Variants in REXO5 observed in about 807,000 individuals in gnomAD.
REXO5 encodes the protein RNA exonuclease 5.
REXO5 carries 48 observed loss-of-function variants against 88.5 expected under a neutral mutation model. The observed-to-expected ratio is 0.54, with a 90% CI of 0.43 to 0.69. The LOEUF is 0.69. Among genes scored for constraint, REXO5 ranks in the 30% least tolerant of loss-of-function variants. REXO5 has a pLI of 0.00. For missense variants in REXO5, 749 were observed against 912.2 expected (o/e 0.82, Z 2.30); for synonymous variants, 311 against 336.5 (o/e 0.92, Z 0.83).
rs2081507552 is a variant in REXO5 at position 20,840,369 on chromosome 16, T to C, written c.1527T>C (p.Ala509=). ...IKWTEISTVY[A]GPFSKNCNLR... Reference sequence around the variant, plus strand: ...GGACAGAGATATCAACTGTCTATGCTGGGCCATTTAGCAAAAATTGCAATC... The same window carrying C: ...GGACAGAGATATCAACTGTCTATGCCGGGCCATTTAGCAAAAATTGCAATC... Residue 509 remains alanine, a synonymous_variant, in exon 15 of 20, where the codon GCT becomes GCC. Transcript: ENST00000261377. 6.3e-7 allele frequency: 1 copy of C among 1,583,534 alleles called. No homozygotes were observed. Among genetic ancestry groups the C allele is most frequent in the Non-Finnish European group, 8.6e-7 (1 of 1,157,704 alleles).
rs574125002 is a variant in REXO5, at chr16:20,819,222, T to C, written c.476-2540T>C. Among the ~76,000 whole-genome samples the C allele has an allele frequency of 8.5e-5, 13 of 152,260 alleles. No homozygotes were observed. In the East Asian group the frequency reaches 1.7e-3, roughly 20 times the overall value. On this transcript the variant is annotated intron_variant, in intron 5 of 19. Coordinates refer to ENST00000261377, the MANE Select transcript of REXO5 (RefSeq NM_030941.3). ...TGTCTTTTCCACCTGCGCATATCTTTATAATAGAATGATTTATATTCCTTT... is the reference window on the plus strand; with the variant it reads ...TGTCTTTTCCACCTGCGCATATCTTCATAATAGAATGATTTATATTCCTTT...
chr16:20,828,653 G>T, intron 11 of REXO5, 116 bp downstream of exon 11: 1 of 716,702 alleles, frequency 1.4e-6, no homozygotes, highest in Non-Finnish European at 2.4e-6. Flanking sequence ...TGTGGGCCAG[G>T]TGCAGTGGCT....
At chr16:20,833,225 G>A in intron 13 of REXO5, 102 bp downstream of exon 13, 1 of 1,260,968 alleles carries the variant, frequency 7.9e-7, no homozygotes, top group Admixed American at 2.5e-5. Flanking sequence ...CAGCAACCCT[G>A]GCTACAGTTA....
chr16:20,806,605 G>A lies in REXO5; in HGVS notation c.-103G>A. Reference sequence around the variant, plus strand: ...CTCTTCTGCGTTTCCCGGGCTAGGGGGCGTGGGGAGTGGTTTTAGGCGGCG... The same window carrying A: ...CTCTTCTGCGTTTCCCGGGCTAGGGAGCGTGGGGAGTGGTTTTAGGCGGCG... On this transcript the variant is annotated 5_prime_UTR_variant, in exon 1 of 20. Transcript: ENST00000261377. 7.1e-7 allele frequency: 1 copy of A among 1,414,572 alleles called. No homozygotes were observed. The highest frequency in any genetic ancestry group is 9.3e-7 in the Non-Finnish European group (1 of 1,076,278). The allele number at this position is 1,414,572 out of a possible 1,614,324, so 87.6% of individuals were successfully genotyped here.
intron 5 of REXO5, among the ~76,000 whole-genome samples, chr16:20,820,538 ATATATATTTTTTTTTTTTTT>A (rs2081164256): frequency 9.4e-5 from 1 of 10,616 alleles, no homozygotes; most frequent in Non-Finnish European, 1.6e-4. Context: ...ATATATATAT[ATATATATTTTTTTTTTTTTT>A]TTTTTTTTTT....
intron 15 of REXO5, among the ~76,000 whole-genome samples, chr16:20,841,429 G>A (rs2081526362): frequency 6.6e-6 from 1 of 152,094 alleles, no homozygotes; most frequent in Non-Finnish European, 1.5e-5. Flanking sequence ...GAATTAGGCA[G>A]CTAGCTAATG....
In REXO5 at chr16:20,827,353, A is replaced by G. The variant is rs144083920; in HGVS notation, c.961A>G (p.Met321Val). The G allele has an allele frequency of 2.5e-6, 4 of 1,611,502 alleles. No homozygotes were observed. The highest frequency in any genetic ancestry group is 2.7e-5 in the African/African-American group (2 of 74,836). The change falls in exon 10 of 20, where the codon ATG becomes GTG. Residue 321 changes from methionine (M) to valine (V), a missense_variant and splice_region_variant. Transcript: ENST00000261377. ...SLDLDLRALKMIHPYVIDTSL... is the reference protein window; with the variant it reads ...SLDLDLRALKVIHPYVIDTSL... ...TCATTTTATTCTCTTTCTTCCTCAG[A>G]TGATACATCCATATGTTATTGATAC...
At chr16:20,830,692 A>G (rs527918948) in intron 11 of REXO5, among the ~76,000 whole-genome samples, 1 of 152,250 alleles carries the variant, frequency 6.6e-6, no homozygotes, top group Admixed American at 6.5e-5. Flanking sequence ...GTTCCTCCCT[A>G]GGTGAGATTT....
intron 11 of REXO5, 82 bp from the exon 12 acceptor site, chr16:20,832,074 G>T: frequency 1.0e-6 from 1 of 966,036 alleles, no homozygotes; most frequent in Non-Finnish European, 1.6e-6. Context: ...GCTTTTTGTT[G>T]TTGTTGCTTT....
intron 5 of REXO5, among the ~76,000 whole-genome samples, chr16:20,817,247 G>A (rs1166487525): frequency 6.6e-6 from 1 of 152,088 alleles, no homozygotes; most frequent in Non-Finnish European, 1.5e-5. Context: ...CTATCTTTCT[G>A]TTGTTCTCTT....
chr16:20,806,664 G>A lies in REXO5; in HGVS notation c.-44G>A. ...CGGCAGCACCTTCCTTCTTTGCCAG[G>A]CAGACGCCCGTTGTAGCCGTTGGGG... On this transcript the variant is annotated 5_prime_UTR_variant, in exon 1 of 20. Transcript: ENST00000261377. 4.5e-6 allele frequency: 5 copies of A among 1,113,276 alleles called. No individual in the cohort carries two copies. Among genetic ancestry groups the A allele is most frequent in the Non-Finnish European group, 6.2e-6 (5 of 808,688 alleles). 69.0% of individuals were successfully genotyped at this position (1,113,276 alleles called of 1,614,324 possible). A position where few individuals can be genotyped will look rare whatever the true frequency, so the allele number is the denominator to read the frequency against.
chr16:20,807,585 GAAAAAAA>G (rs1013842567), intron 2 of REXO5, among the ~76,000 whole-genome samples: 11 of 50,582 alleles, frequency 2.2e-4, no homozygotes, highest in East Asian at 6.0e-4. Context: ...TCACGTCTCA[GAAAAAAA>G]AAAAAAAAAA....
chr16:20,815,159 T>A, intron 4 of REXO5, 106 bp downstream of exon 4: 1 of 1,260,348 alleles, frequency 7.9e-7, no homozygotes, highest in Non-Finnish European at 1.1e-6. Context: ...GAACAAACAG[T>A]AGGGGATATA....
chr16:20,813,046 C>T, intron 2 of REXO5, 144 bp from the exon 3 acceptor site: 1 of 655,230 alleles, frequency 1.5e-6, no homozygotes. Flanking sequence ...TTATTTTAGG[C>T]CATCATTTTC....
chr16:20,833,265 A>G lies in REXO5; in HGVS notation c.1383+142A>G, dbSNP rs1174564759. 33 of 843,026 alleles carry G rather than the reference A, an allele frequency of 3.9e-5. 1 individual carries two copies. In the East Asian group the frequency reaches 8.0e-4, roughly 21 times the overall value. 52.2% of individuals were successfully genotyped at this position (843,026 alleles called of 1,614,324 possible). Reference sequence around the variant, plus strand: ...GCCTGGCTTGTGTCTCACATCTTGTATGGAGTACCTAAGTCCTCATAGGGG... The same window carrying G: ...GCCTGGCTTGTGTCTCACATCTTGTGTGGAGTACCTAAGTCCTCATAGGGG... On this transcript the variant is annotated intron_variant, in intron 13 of 19. Transcript: ENST00000261377.
Position 20,844,770 on chromosome 16 carries a change from C to G in REXO5, c.1861C>G (p.Leu621Val). 6.2e-7 allele frequency: 1 copy of G among 1,614,186 alleles called. No homozygotes were observed. The highest frequency in any genetic ancestry group is 8.5e-7 in the Non-Finnish European group (1 of 1,180,030). Residue 621 changes from leucine (L) to valine (V), a missense_variant, in exon 17 of 20, where the codon CTC becomes GTC. By Grantham distance (32) the Leu-to-Val change is conservative. Coordinates refer to ENST00000261377, the MANE Select transcript of REXO5 (RefSeq NM_030941.3). ...AGAACAGCTATTGCAGGAGCCCCGC[C>G]TCTTTCTTGGCCTGGAAGCTGTGAT... ...FKEQLLQEPRLFLGLEAVILP... is the reference protein window; with the variant it reads ...FKEQLLQEPRVFLGLEAVILP...
In REXO5 at chr16:20,846,232, G is replaced by C. The variant is rs756979185; in HGVS notation, c.2136G>C (p.Leu712=). ...FEQEALQTLK[L]DHPKIAAWRW... The stretch of plus-strand genomic sequence containing the variant: ...GGCTTTGATCCCAGACTCTGAAACT[G>C]GACCACCCGAAGATAGCAGCCTGGC... The change falls in exon 19 of 20, where the codon CTG becomes CTC. Residue 712 remains leucine (L), a synonymous_variant. Coordinates refer to ENST00000261377, the MANE Select transcript of REXO5 (RefSeq NM_030941.3). The C allele has an allele frequency of 2.5e-6, 4 of 1,613,892 alleles. No homozygotes were observed. The highest frequency in any genetic ancestry group is 3.4e-6 in the Non-Finnish European group (4 of 1,179,840).
intron 14 of REXO5, chr16:20,840,124 A>G: frequency 1.5e-5 from 8 of 532,518 alleles, no homozygotes; most frequent in South Asian, 3.4e-5. Context: ...TAATGGCTAC[A>G]TAGTATTCTG....
Position 20,844,708 on chromosome 16 carries a change from G to T in REXO5, c.1799G>T (p.Gly600Val), listed in dbSNP as rs200845377. 1.6e-4 allele frequency: 256 copies of T among 1,614,190 alleles called. No individual in the cohort carries two copies. Among genetic ancestry groups the T allele is most frequent in the Admixed American group, 3.5e-4 (21 of 60,018 alleles). ...CTGGAAGGAGATTCTGAAAACCAAG[G>T]CTCTATATATCTGTCTGGAGTGAGT... ...NELEGDSENQ[G>V]SIYLSGVSET... The change falls in exon 17 of 20, where the codon GGC (glycine) becomes GTC (valine). Residue 600 changes from glycine (G) to valine (V), a missense_variant. Physicochemically the swap from Gly to Val is moderately radical, Grantham distance 109 (BLOSUM62 -3). Transcript: ENST00000261377.
Sources: allele counts gnomAD v4.1 joint callset (sites outside exome capture counted in the v4.1 genomes callset), GRCh38; gene constraint gnomAD v4.1.1; transcripts MANE v1.5; gene names NCBI Gene and HGNC (gene_info 2026-07-23, HGNC 2026-07-21).